MYCBP2: variants seen among roughly 807,000 people sequenced by gnomAD.
The protein encoded by MYCBP2 is E3 ubiquitin-protein ligase MYCBP2.
Under a neutral mutation model 525.3 loss-of-function variants are expected in MYCBP2, and 120 were observed. The observed-to-expected ratio is 0.23, with a 90% CI of 0.20 to 0.27. The LOEUF is 0.27. MYCBP2 is among the 10% of genes least tolerant of loss of function. MYCBP2 has a pLI of 1.00. For synonymous variants in MYCBP2, 1,894 were observed against 1,955.8 expected (o/e 0.97, Z 0.83); for missense variants, 4,149 against 5,657.1 (o/e 0.73, Z 8.55).
At chr13:77,298,855 A>C (rs551887025) in intron 1 of MYCBP2, among the ~76,000 whole-genome samples, 1 of 152,358 alleles carries the variant, frequency 6.6e-6, no homozygotes, top group East Asian at 1.9e-4. Context: ...ACCTGCTTAT[A>C]GAATCTACTC....
intron 32 of MYCBP2, among the ~76,000 whole-genome samples, chr13:77,182,222 G>A (rs917947800): frequency 6.6e-5 from 10 of 152,130 alleles, no homozygotes; most frequent in Non-Finnish European, 1.5e-5. Flanking sequence ...CTCTAGCACT[G>A]TTTCAAAGGG....
intron 27 of MYCBP2, among the ~76,000 whole-genome samples, chr13:77,193,564 AATATTGAG>A (rs1249850054): frequency 6.6e-6 from 1 of 152,184 alleles, no homozygotes; most frequent in Non-Finnish European, 1.5e-5. Flanking sequence ...ATCATAACAC[AATATTGAG>A]ATAATTCTTA....
chr13:77,267,088 A>G (rs2074213133), intron 8 of MYCBP2, among the ~76,000 whole-genome samples: 1 of 152,112 alleles, frequency 6.6e-6, no homozygotes, highest in African/African-American at 2.4e-5. Flanking sequence ...TTATTGACAG[A>G]CACATTAGAC....
Position 77,088,946 on chromosome 13 carries a change from T to G in MYCBP2, c.10611A>C (p.Arg3537=). The G allele has an allele frequency of 6.2e-7, 1 of 1,613,570 alleles. No homozygotes were observed. Among genetic ancestry groups the G allele is most frequent in the Non-Finnish European group, 8.5e-7 (1 of 1,179,632 alleles). The part of the protein sequence containing the change: ...SAHSSLSKGE[R]NFQWPVLAFV... ...AAGCTAAAACTGGCCACTGGAAATT[T>G]CGTTCTCCTTTAGAAAGAGAGCTGT... The change falls in exon 61 of 83, where the codon CGA becomes CGC. Residue 3537 remains arginine, a synonymous_variant. Coordinates refer to ENST00000544440, the MANE Select transcript of MYCBP2 (RefSeq NM_015057.5).
chr13:77,186,095 T>C, intron 30 of MYCBP2, 32 bp from the exon 31 acceptor site: 1 of 1,445,564 alleles, frequency 6.9e-7, no homozygotes. Context: ...CAGACAACAA[T>C]TAATTCAAAT....
Position 77,122,521 on chromosome 13 carries a change from G to C in MYCBP2, c.8018-1026C>G, listed in dbSNP as rs1215897628. Among the ~76,000 whole-genome samples the C allele has an allele frequency of 2.0e-5, 3 of 151,694 alleles. 1 individual carries two copies. Among genetic ancestry groups the C allele is most frequent in the African/African-American group, 7.3e-5 (3 of 41,306 alleles). On this transcript the variant is annotated intron_variant, in intron 54 of 82. Coordinates refer to ENST00000544440, the MANE Select transcript of MYCBP2 (RefSeq NM_015057.5). ...TCGAGACCACGGTGAAACCCCTTCT[G>C]TACTAAAAATACAAAAAATTAGCCG... is the stretch of plus-strand genomic sequence containing the variant.
intron 5 of MYCBP2, 93 bp downstream of exon 5, chr13:77,273,379 G>T: frequency 9.2e-7 from 1 of 1,083,082 alleles, no homozygotes; most frequent in Non-Finnish European, 1.3e-6. Flanking sequence ...ACTGTAATGA[G>T]TGAGAAAAAG....
intron 8 of MYCBP2, among the ~76,000 whole-genome samples, chr13:77,266,677 T>C (rs1056701476): frequency 1.0e-4 from 15 of 148,160 alleles, no homozygotes; most frequent in African/African-American, 3.8e-4. Context: ...TTATTAAAAG[T>C]ATTTTTTAAT....
At chr13:77,067,475 A>C in intron 71 of MYCBP2, 106 bp downstream of exon 71, 2 of 1,182,028 alleles carry the variant, frequency 1.7e-6, no homozygotes, top group East Asian at 4.7e-5. Flanking sequence ...TATGGATTTT[A>C]TTTGGTGAGT....
Position 77,167,014 on chromosome 13 carries a change from CACACACACA to C in MYCBP2, c.6115-469_6115-461del, listed in dbSNP as rs1566781078. Among the ~76,000 whole-genome samples, 19 of 149,744 alleles carry C rather than the reference CACACACACA, an allele frequency of 1.3e-4. No individual in the cohort carries two copies. In the East Asian group the frequency reaches 3.3e-3, roughly 26 times the overall value. On this transcript the variant is annotated intron_variant, in intron 40 of 82. Coordinates refer to ENST00000544440, the MANE Select transcript of MYCBP2 (RefSeq NM_015057.5). ...ACACACACACACACACACACACACACACACACACACACCAAATGAAATAATTTAATGATT... is the reference window on the plus strand; with the variant it reads ...ACACACACACACACACACACACACACCACCAAATGAAATAATTTAATGATT...
intron 3 of MYCBP2, among the ~76,000 whole-genome samples, chr13:77,281,887 C>T (rs1471782208): frequency 1.3e-5 from 2 of 152,174 alleles, no homozygotes; most frequent in African/African-American, 4.8e-5. Flanking sequence ...GTCCTAAAAT[C>T]ACTTCCTATA....
Position 77,095,497 on chromosome 13 carries a change from G to C in MYCBP2, c.10060C>G (p.Leu3354Val). Residue 3354 changes from leucine to valine, a missense_variant, in exon 58 of 83, where the codon CTG (leucine) becomes GTG (valine). Physicochemically the swap from Leu to Val is conservative, Grantham distance 32 (BLOSUM62 1). Coordinates refer to ENST00000544440, the MANE Select transcript of MYCBP2 (RefSeq NM_015057.5). ...ATGCTCGGTTCTGCTGCACTGCTCA[G>C]GGACAGCAGGAAGAGTGCATTGGCT... is the stretch of plus-strand genomic sequence containing the variant. ...IKANALFLLS[L>V]SSAAEPSILC... 1 of 1,613,588 alleles carries C rather than the reference G, an allele frequency of 6.2e-7. No individual in the cohort carries two copies. Among genetic ancestry groups the C allele is most frequent in the Non-Finnish European group, 8.5e-7 (1 of 1,179,738 alleles).
chr13:77,227,205 G>T (rs1379130172), intron 18 of MYCBP2, among the ~76,000 whole-genome samples: 3 of 151,892 alleles, frequency 2.0e-5, no homozygotes, highest in African/African-American at 4.8e-5. Context: ...ACTCAAAAAA[G>T]ATCACAAATA....
At position 77,051,176 on chromosome 13, in the gene MYCBP2, G is replaced by C; in HGVS notation, c.13756-14C>G. On this transcript the variant is annotated splice_polypyrimidine_tract_variant and intron_variant, in intron 81 of 82. Transcript: ENST00000544440. ...TTTGGGACACATCTATAGCAAAAGA[G>C]AAGAGACAGACACAAGATCATAGTG... The C allele has an allele frequency of 6.3e-7, 1 of 1,594,414 alleles. No homozygotes were observed. The highest frequency in any genetic ancestry group is 8.5e-7 in the Non-Finnish European group (1 of 1,173,084).
At chr13:77,052,615 G>C (rs949675254) in intron 80 of MYCBP2, among the ~76,000 whole-genome samples, 4 of 152,142 alleles carry the variant, frequency 2.6e-5, no homozygotes, top group Admixed American at 2.6e-4. Context: ...AGTAGTAAAA[G>C]CTATGCTTTT....
At chr13:77,207,855 A>T (rs1441897863) in intron 23 of MYCBP2, among the ~76,000 whole-genome samples, 1 of 152,188 alleles carries the variant, frequency 6.6e-6, no homozygotes, top group African/African-American at 2.4e-5. Context: ...ATAGAAACAC[A>T]TAGTTTCTAA....
At chr13:77,147,398 G>T (rs910297637) in intron 47 of MYCBP2, among the ~76,000 whole-genome samples, 1 of 152,046 alleles carries the variant, frequency 6.6e-6, no homozygotes, top group Non-Finnish European at 1.5e-5. Context: ...TGGGCTGTAG[G>T]TACATGAAAC....
chr13:77,210,196 T>C (rs1421989395), intron 23 of MYCBP2, among the ~76,000 whole-genome samples: 1 of 151,708 alleles, frequency 6.6e-6, no homozygotes, highest in African/African-American at 2.4e-5. Flanking sequence ...CACAATAATT[T>C]TTTTTTCTTT....
rs34201334 is a variant in MYCBP2 at position 77,271,504 on chromosome 13, TC to T, written c.946-967del. Among the ~76,000 whole-genome samples, 1,261 of 152,304 alleles carry T rather than the reference TC, an allele frequency of 8.3e-3. 22 individuals carry two copies. Among genetic ancestry groups the T allele is most frequent in the African/African-American group, 0.029 (1,206 of 41,574 alleles). On this transcript the variant is annotated intron_variant, in intron 5 of 82. Coordinates refer to ENST00000544440, the MANE Select transcript of MYCBP2 (RefSeq NM_015057.5). ...ACATACTCATATGGTTTGGTTGTGT[TC>T]CCACTCAAATCTCATCTTGAATTCC...
Sources: allele counts gnomAD v4.1 joint callset (sites outside exome capture counted in the v4.1 genomes callset), GRCh38; gene constraint gnomAD v4.1.1; transcripts MANE v1.5; gene names NCBI Gene and HGNC (gene_info 2026-07-23, HGNC 2026-07-21).